The following NCR3LG1 variants were observed in gnomAD, a reference collection of about 807,000 sequenced individuals.
The protein encoded by NCR3LG1 is natural killer cell cytotoxicity receptor 3 ligand 1, also known as natural cytotoxicity triggering receptor 3 ligand 1.
A neutral mutation model predicts 34.8 loss-of-function variants in NCR3LG1; 35 were observed. The observed-to-expected ratio is 1.01, with a 90% confidence interval of 0.77 to 1.33. The LOEUF is 1.33. Ranked by LOEUF, NCR3LG1 falls within the 40% of genes most tolerant of loss-of-function variation. The pLI is 0.00. For missense variants in NCR3LG1, 452 were observed against 423.3 expected, an observed-to-expected ratio of 1.07 and a Z score of -0.60; for synonymous variants, 173 against 163.6, an observed-to-expected ratio of 1.06 and a Z score of -0.44.
At chr11:17,359,501 CT>C (rs34224243) in intron 2 of NCR3LG1, among the ~76,000 whole-genome samples, 29,636 of 136,496 alleles carry the variant, frequency 0.22, 2,975 homozygotes, top group African/African-American at 0.26. Context: ...TTGGCAATTC[CT>C]TTTTTTTTTT....
intron 1 of NCR3LG1, among the ~76,000 whole-genome samples, chr11:17,355,438 T>C (rs1953193862): frequency 6.6e-6 from 1 of 151,130 alleles, no homozygotes; most frequent in Admixed American, 6.6e-5. Context: ...AAAGAGAAAA[T>C]TCTCTTTACA....
In NCR3LG1 at chr11:17,376,206, CTT is replaced by C. The variant is rs1486077076; in HGVS notation, c.*3697_*3698del. The C allele has an allele frequency of 2.0e-5, 3 of 152,214 alleles. No homozygotes were observed. Among genetic ancestry groups the C allele is most frequent in the East Asian group, 3.8e-4 (2 of 5,200 alleles). 9.4% of individuals were successfully genotyped at this position (152,214 alleles called of 1,614,324 possible). On this transcript the variant is annotated 3_prime_UTR_variant, in exon 5 of 5. Transcript: ENST00000338965. ...GCCCAAAATAAATGGCATTCAATGT[CTT>C]TTGGTGTGGGTGCATACCTTCATTA...
rs1176131892 is a variant in NCR3LG1 at position 17,367,283 on chromosome 11, T to C, written c.696T>C (p.His232=). Residue 232 remains histidine (H), a synonymous_variant, in exon 3 of 5, where the codon CAT becomes CAC. Transcript: ENST00000338965. ...CTGTCTACCAGTGTGTGGTACGGCA[T>C]GCGTCCTTGCATACCCCCTTGAGGA... ...PGTVYQCVVR[H]ASLHTPLRSN... 2.6e-6 allele frequency: 4 copies of C among 1,536,088 alleles called. No individual in the cohort carries two copies. Among genetic ancestry groups the C allele is most frequent in the South Asian group, 1.2e-5 (1 of 84,066 alleles).
chr11:17,362,636 TC>T (rs1953281072), intron 2 of NCR3LG1, among the ~76,000 whole-genome samples: 1 of 113,186 alleles, frequency 8.8e-6, no homozygotes, highest in South Asian at 2.6e-4. Flanking sequence ...TTTTTCTTCT[TC>T]TTTTTTTTTT....
chr11:17,371,758 T>C (rs1033744441), intron 4 of NCR3LG1, among the ~76,000 whole-genome samples: 4 of 152,152 alleles, frequency 2.6e-5, no homozygotes, highest in African/African-American at 4.8e-5. Flanking sequence ...ATGGGCCAAG[T>C]AGGTCTAGGA....
chr11:17,365,810 G>A (rs969865441), intron 2 of NCR3LG1, among the ~76,000 whole-genome samples: 6 of 152,146 alleles, frequency 3.9e-5, no homozygotes, highest in African/African-American at 1.4e-4. Context: ...GACCTGAGGA[G>A]GTTTTTATTC....
At chr11:17,354,545 C>CTTTTTTTTTTTT (rs71047545) in intron 1 of NCR3LG1, among the ~76,000 whole-genome samples, 19 of 70,324 alleles carry the variant, frequency 2.7e-4, no homozygotes, top group East Asian at 5.3e-4. Context: ...AATTCTTCTT[C>CTTTTTTTTTTTT]TTTTTTTTTT....
chr11:17,377,568 G>C (rs1037486872), downstream of NCR3LG1, among the ~76,000 whole-genome samples: 1 of 152,190 alleles, frequency 6.6e-6, no homozygotes, highest in Non-Finnish European at 1.5e-5. Flanking sequence ...ATGGCATCGT[G>C]AGTGACTATC....
chr11:17,355,815 TGA>T (rs942241019), intron 1 of NCR3LG1, among the ~76,000 whole-genome samples: 5 of 152,060 alleles, frequency 3.3e-5, no homozygotes, highest in African/African-American at 9.7e-5. Flanking sequence ...TGTTTGTTTT[TGA>T]GACAGAGTCT....
intron 4 of NCR3LG1, 111 bp downstream of exon 4, chr11:17,369,075 C>A (rs1288105140): frequency 3.1e-6 from 2 of 643,450 alleles, no homozygotes; most frequent in Non-Finnish European, 5.3e-6. Flanking sequence ...CTGGAAAGGA[C>A]TTTGTCAGTC....
intron 1 of NCR3LG1, among the ~76,000 whole-genome samples, chr11:17,353,644 A>G (rs987331141): frequency 5.8e-4 from 89 of 152,230 alleles, no homozygotes; most frequent in Non-Finnish European, 7.3e-4. Context: ...GTGGTGGAGA[A>G]GGGCCGCGAG....
chr11:17,372,291 T>C lies in NCR3LG1; in HGVS notation c.1144T>C (p.Cys382Arg). The C allele has an allele frequency of 1.4e-6, 1 of 703,128 alleles. No individual in the cohort carries two copies. The highest frequency in any genetic ancestry group is 2.6e-6 in the Non-Finnish European group (1 of 385,022). 43.6% of individuals were successfully genotyped at this position (703,128 alleles called of 1,614,324 possible). The part of the protein sequence containing the change: ...ALRDNPDLCQ[C>R]CRIDPALLTV... Reference sequence around the variant, plus strand: ...GCGAGACAACCCAGATCTTTGTCAGTGTTGTAGAATTGACCCTGCTCTCCT... The same window carrying C: ...GCGAGACAACCCAGATCTTTGTCAGCGTTGTAGAATTGACCCTGCTCTCCT... Residue 382 changes from cysteine (C) to arginine (R), a missense_variant, in exon 5 of 5, where the codon TGT (cysteine) becomes CGT (arginine). Cys to Arg is a radical substitution (Grantham distance 180). Transcript: ENST00000338965.
intron 4 of NCR3LG1, 57 bp from the exon 5 acceptor site, chr11:17,371,949 A>G (rs2133363931): frequency 3.2e-6 from 2 of 634,642 alleles, no homozygotes; most frequent in Non-Finnish European, 5.6e-6. Flanking sequence ...TCTGCTGTCG[A>G]TCACTCCAGA....
intron 2 of NCR3LG1, among the ~76,000 whole-genome samples, chr11:17,359,003 A>G (rs932993359): frequency 1.3e-5 from 2 of 152,036 alleles, no homozygotes; most frequent in Non-Finnish European, 2.9e-5. Context: ...CACTTTTTAC[A>G]TTTTGGCACT....
chr11:17,381,012 T>G (rs750692133), downstream of NCR3LG1: 6 of 152,224 alleles, frequency 3.9e-5, no homozygotes, highest in Admixed American at 2.6e-4. Context: ...CAAGATCCTA[T>G]CAACTCCATT....
chr11:17,379,833 C>T (rs1953504581), downstream of NCR3LG1, among the ~76,000 whole-genome samples: 1 of 152,190 alleles, frequency 6.6e-6, no homozygotes, highest in Non-Finnish European at 1.5e-5. Flanking sequence ...TGCTACAACT[C>T]CTCAGGAAGC....
Position 17,375,676 on chromosome 11 carries a change from T to C in NCR3LG1, c.*3164T>C, listed in dbSNP as rs1056365010. ...ATCCTCAGTGTTCCTCCCATGAGAATTAGTGGTCAGACATTGCAGAGGGCA... is the reference window on the plus strand; with the variant it reads ...ATCCTCAGTGTTCCTCCCATGAGAACTAGTGGTCAGACATTGCAGAGGGCA... On this transcript the variant is annotated 3_prime_UTR_variant, in exon 5 of 5. Transcript: ENST00000338965. 1 of 152,150 alleles carries C rather than the reference T, an allele frequency of 6.6e-6. No homozygotes were observed. Among genetic ancestry groups the C allele is most frequent in the African/African-American group, 2.4e-5 (1 of 41,418 alleles). 9.4% of individuals were successfully genotyped at this position (152,150 alleles called of 1,614,324 possible). A position where few individuals can be genotyped will look rare whatever the true frequency, so the allele number is the denominator to read the frequency against.
chr11:17,353,252 GGCT>G (rs1449672532), intron 1 of NCR3LG1, among the ~76,000 whole-genome samples: 4 of 152,276 alleles, frequency 2.6e-5, no homozygotes, highest in African/African-American at 9.6e-5. Context: ...ACCTTAGAAT[GGCT>G]GCCCGATGGG....
chr11:17,364,707 TG>T lies in NCR3LG1; in HGVS notation c.422-2300del, dbSNP rs376351303. 7.7e-3 allele frequency among the ~76,000 whole-genome samples: 1,165 copies of T among 152,140 alleles called. 14 individuals are homozygous for T. The highest frequency in any genetic ancestry group is 0.027 in the Middle Eastern group (8 of 292). ...GATTACAGGCATGCGCCACCACCCC[TG>T]GCTAATTTTGTATTTTTAGTAGAAA... On this transcript the variant is annotated intron_variant, in intron 2 of 4. Transcript: ENST00000338965.
Sources: gnomAD v4.1 joint callset for allele counts (sites outside exome capture counted in the v4.1 genomes callset) on GRCh38, gnomAD v4.1.1 for gene constraint, MANE v1.5 for transcripts, NCBI Gene and HGNC (gene_info 2026-07-23, HGNC 2026-07-21) for gene names.